The following PIP5K1B variants were observed in gnomAD, a reference collection of about 807,000 sequenced individuals.
PIP5K1B encodes the protein phosphatidylinositol 4-phosphate 5-kinase type-1 beta.
A neutral mutation model predicts 67.0 loss-of-function variants in PIP5K1B; 42 were observed. The ratio of observed to expected loss-of-function variants is 0.63; its 90% CI spans 0.49 to 0.81. PIP5K1B has a LOEUF of 0.81. Among genes scored for constraint, PIP5K1B ranks in the 30% least tolerant of loss-of-function variants. PIP5K1B has a pLI of 0.00. For synonymous variants in PIP5K1B, 214 were observed against 231.4 expected, an observed-to-expected ratio of 0.92 and a Z score of 0.68; for missense variants, 459 against 646.3, an observed-to-expected ratio of 0.71 and a Z score of 3.14.
At chr9:68,848,144 A>G (rs555458512) in intron 4 of PIP5K1B, among the ~76,000 whole-genome samples, 2 of 152,334 alleles carry the variant, frequency 1.3e-5, no homozygotes, top group African/African-American at 4.8e-5. Flanking sequence ...GGCTTGGACT[A>G]CAGTAAGTAC....
chr9:68,972,400 G>A (rs1445881228), intron 14 of PIP5K1B, among the ~76,000 whole-genome samples: 2 of 152,118 alleles, frequency 1.3e-5, no homozygotes, highest in Non-Finnish European at 2.9e-5. Context: ...GTTAATAATG[G>A]GCGATCGAGG....
At position 68,734,601 on chromosome 9, in the gene PIP5K1B, T is replaced by A. The variant is rs1587360891; in HGVS notation, c.-242-7900T>A. ...TCCTCCTTTTTCTCTCTACTTATTTTTCCTCTAATGTGATGACTGCTACCT... is the reference window on the plus strand; with the variant it reads ...TCCTCCTTTTTCTCTCTACTTATTTATCCTCTAATGTGATGACTGCTACCT... On this transcript the variant is annotated intron_variant, in intron 1 of 15. Coordinates refer to ENST00000265382, the MANE Select transcript of PIP5K1B (RefSeq NM_003558.4). Among the ~76,000 whole-genome samples, 8 of 152,338 alleles carry A rather than the reference T, an allele frequency of 5.3e-5. No homozygotes were observed. The South Asian group carries it at 1.7e-3, about 32-fold the overall frequency.
At chr9:68,716,418 AAGTT>A (rs1169114855) in intron 1 of PIP5K1B, among the ~76,000 whole-genome samples, 1 of 152,230 alleles carries the variant, frequency 6.6e-6, no homozygotes. Context: ...GTTAAGGAAG[AAGTT>A]AGTTGGAGGC....
chr9:68,758,308 T>A (rs1830030529), intron 2 of PIP5K1B, among the ~76,000 whole-genome samples: 1 of 152,120 alleles, frequency 6.6e-6, no homozygotes, highest in South Asian at 2.1e-4. Flanking sequence ...GGTAAAGATG[T>A]TGGAATTATC....
chr9:68,986,071 C>A (rs915081226), intron 14 of PIP5K1B, among the ~76,000 whole-genome samples: 69 of 152,146 alleles, frequency 4.5e-4, no homozygotes, highest in African/African-American at 1.5e-3. Flanking sequence ...CATTCATATA[C>A]AAGTTTGTGT....
intron 2 of PIP5K1B, among the ~76,000 whole-genome samples, chr9:68,796,230 C>A (rs1832286043): frequency 6.6e-6 from 1 of 152,136 alleles, no homozygotes; most frequent in South Asian, 2.1e-4. Context: ...TTGATAGTTG[C>A]ATTTTTTTGA....
At position 68,986,951 on chromosome 9, in the gene PIP5K1B, A is replaced by T. The variant is rs1587764544; in HGVS notation, c.1503-4189A>T. The stretch of plus-strand genomic sequence containing the variant: ...CACTTATATGCATGTAGCGTCATTT[A>T]AAAAAAAATAAATTTTGGAGGCTGG... On this transcript the variant is annotated intron_variant, in intron 14 of 15. Transcript: ENST00000265382. 2.6e-5 allele frequency among the ~76,000 whole-genome samples: 4 copies of T among 151,288 alleles called. No individual in the cohort carries two copies. The East Asian group carries it at 7.7e-4, about 29-fold the overall frequency.
chr9:68,989,702 G>A lies in PIP5K1B; in HGVS notation c.1503-1438G>A, dbSNP rs180772727. 3.8e-3 allele frequency among the ~76,000 whole-genome samples: 571 copies of A among 152,204 alleles called. 3 individuals carry two copies. The highest frequency in any genetic ancestry group is 0.013 in the African/African-American group (547 of 41,524). On this transcript the variant is annotated intron_variant, in intron 14 of 15. Transcript: ENST00000265382. ...TAACACTATAAAAATGGAGCAAGCTGGGCACAGTGGCTCACATCTGTATTT... is the reference window on the plus strand; with the variant it reads ...TAACACTATAAAAATGGAGCAAGCTAGGCACAGTGGCTCACATCTGTATTT...
intron 14 of PIP5K1B, among the ~76,000 whole-genome samples, chr9:68,984,322 T>C (rs1425438495): frequency 6.6e-6 from 1 of 152,242 alleles, no homozygotes; most frequent in African/African-American, 2.4e-5. Context: ...TGAAAATGTA[T>C]TCTCATCCTT....
In PIP5K1B at chr9:68,815,592, A is replaced by G. The variant is rs146746014; in HGVS notation, c.-85-2869A>G. Among the ~76,000 whole-genome samples, 615 of 152,240 alleles carry G rather than the reference A, an allele frequency of 4.0e-3. 1 individual carries two copies. Among genetic ancestry groups the G allele is most frequent in the Non-Finnish European group, 6.6e-3 (449 of 67,990 alleles). ...TTGATGTTTTTCTAATAAACTATAA[A>G]TTACCAAAATTTGATTCAAAGAAAG... is the stretch of plus-strand genomic sequence containing the variant. On this transcript the variant is annotated intron_variant, in intron 2 of 15. Transcript: ENST00000265382.
chr9:68,747,702 C>G (rs948399940), intron 2 of PIP5K1B, among the ~76,000 whole-genome samples: 1 of 152,002 alleles, frequency 6.6e-6, no homozygotes, highest in African/African-American at 2.4e-5. Context: ...TGTAGATTTG[C>G]TGTTTTTTTT....
At chr9:68,792,768 T>C (rs977522189) in intron 2 of PIP5K1B, among the ~76,000 whole-genome samples, 1 of 152,164 alleles carries the variant, frequency 6.6e-6, no homozygotes, top group East Asian at 1.9e-4. Flanking sequence ...CGTGAGCCAC[T>C]GCGCCTGGCC....
chr9:68,893,004 C>T (rs746883747), intron 7 of PIP5K1B, among the ~76,000 whole-genome samples: 7 of 151,750 alleles, frequency 4.6e-5, no homozygotes, highest in Non-Finnish European at 1.0e-4. Context: ...ACCTGGGAGG[C>T]GGAGGTTGCA....
At chr9:68,963,296 A>G in intron 14 of PIP5K1B, 1 of 450,902 alleles carries the variant, frequency 2.2e-6, no homozygotes, top group East Asian at 7.0e-5. Flanking sequence ...TGAGTCCGGA[A>G]GTTCAAGACC....
chr9:68,910,879 C>CT (rs1825813090), intron 8 of PIP5K1B, among the ~76,000 whole-genome samples: 1 of 152,244 alleles, frequency 6.6e-6, no homozygotes, highest in Admixed American at 6.5e-5. Context: ...GGGTAAAGAG[C>CT]TCCAGTTAGA....
At chr9:68,939,813 A>C (rs535671939) in intron 13 of PIP5K1B, among the ~76,000 whole-genome samples, 14 of 152,168 alleles carry the variant, frequency 9.2e-5, no homozygotes. Context: ...TTACACACTA[A>C]AAATCTCTAA....
chr9:68,924,852 G>GA (rs149515791), intron 12 of PIP5K1B, among the ~76,000 whole-genome samples: 11,469 of 149,926 alleles, frequency 0.076, 759 homozygotes, highest in East Asian at 0.39. Context: ...ACAAGAAGAT[G>GA]AAAAAAAAAT....
chr9:68,957,523 A>G (rs1828466313), intron 14 of PIP5K1B, among the ~76,000 whole-genome samples: 1 of 152,240 alleles, frequency 6.6e-6, no homozygotes, highest in East Asian at 1.9e-4. Flanking sequence ...GTTTTATACG[A>G]CAGAGGAGCT....
At chr9:69,001,048 G>A (rs989627786) in intron 15 of PIP5K1B, among the ~76,000 whole-genome samples, 3 of 151,928 alleles carry the variant, frequency 2.0e-5, no homozygotes, top group East Asian at 3.9e-4. Context: ...ATAGGCGCAC[G>A]CCACCACACC....
Sources: allele counts gnomAD v4.1 joint callset (sites outside exome capture counted in the v4.1 genomes callset), GRCh38; gene constraint gnomAD v4.1.1; transcripts MANE v1.5; gene names NCBI Gene and HGNC (gene_info 2026-07-23, HGNC 2026-07-21).